Variants in BRCC3 observed in about 807,000 individuals in gnomAD.
BRCC3 encodes the protein lys-63-specific deubiquitinase BRCC36.
In BRCC3, 15 loss-of-function variants were observed where a neutral mutation model predicts 28.0. The ratio of observed to expected loss-of-function variants is 0.54; its 90% CI spans 0.36 to 0.82. The LOEUF is 0.82. Ranked by LOEUF, BRCC3 falls within the 40% of genes least tolerant of loss-of-function variation. The probability of loss-of-function intolerance (pLI) is 0.01; values close to 1 mark genes in which losing one functional copy is unlikely to be tolerated. For synonymous variants in BRCC3, 66 were observed against 80.3 expected, an observed-to-expected ratio of 0.82 and a Z score of 0.95; for missense variants, 109 against 225.9, an observed-to-expected ratio of 0.48 and a Z score of 3.32.
At chrX:155,082,321 C>T (rs1557294259) in intron 5 of BRCC3, among the ~76,000 whole-genome samples, 1 of 112,002 alleles carries the variant, frequency 8.9e-6, no homozygotes, top group East Asian at 2.8e-4. Flanking sequence ...CTTGATAACC[C>T]ACTTTCAAAA....
intron 5 of BRCC3, among the ~76,000 whole-genome samples, chrX:155,081,164 C>G (rs797032681): frequency 9.1e-6 from 1 of 110,125 alleles, no homozygotes; most frequent in South Asian, 3.9e-4. Context: ...AACCCTGTTT[C>G]TATTAAAAAT....
chrX:155,073,691 G>A (rs782746074), intron 3 of BRCC3, among the ~76,000 whole-genome samples: 2 of 110,995 alleles, frequency 1.8e-5, no homozygotes, highest in African/African-American at 6.6e-5. Flanking sequence ...CTGTTTTCTG[G>A]CCCTTCTCCC....
At chrX:155,118,752 A>T (rs1398434773) in intron 9 of BRCC3, among the ~76,000 whole-genome samples, 1 of 111,632 alleles carries the variant, frequency 9.0e-6, no homozygotes, top group Non-Finnish European at 1.9e-5. Flanking sequence ...TCTTGTGGGA[A>T]CTAACAGAGG....
At chrX:155,093,807 ATT>A (rs2074191309) in intron 7 of BRCC3, among the ~76,000 whole-genome samples, 1 of 108,834 alleles carries the variant, frequency 9.2e-6, no homozygotes, top group Non-Finnish European at 1.9e-5. Flanking sequence ...AAGGTCCTAA[ATT>A]GACCTAATGA....
At chrX:155,075,282 CCA>C (rs1557293353) in intron 3 of BRCC3, among the ~76,000 whole-genome samples, 15 of 49,836 alleles carry the variant, frequency 3.0e-4, no homozygotes, top group South Asian at 8.7e-4. Flanking sequence ...AATGCTAAGC[CCA>C]CTCTTTCCCC....
intron 7 of BRCC3, among the ~76,000 whole-genome samples, chrX:155,111,405 G>A (rs189720162): frequency 2.7e-5 from 3 of 111,704 alleles, no homozygotes; most frequent in South Asian, 3.7e-4. Flanking sequence ...AGGTAGCAAA[G>A]GATAGACATA....
At position 155,107,587 on chromosome X, in the gene BRCC3, CCTT is replaced by C. The variant is rs782667171; in HGVS notation, c.549-8467_549-8465del. ...GAAGATGAAGATCAAATTTAGGAAT[CCTT>C]CTCTGATAATTCTCAACCCCCAATA... is the stretch of plus-strand genomic sequence containing the variant. On this transcript the variant is annotated intron_variant, in intron 7 of 10. Transcript: ENST00000330045. Among the ~76,000 whole-genome samples, 7 of 111,503 alleles carry C rather than the reference CCTT, an allele frequency of 6.3e-5. No homozygotes were observed. The East Asian group carries it at 1.7e-3, about 27-fold the overall frequency.
intron 5 of BRCC3, among the ~76,000 whole-genome samples, chrX:155,080,102 T>A (rs1194142484): frequency 8.9e-6 from 1 of 111,777 alleles, no homozygotes; most frequent in Non-Finnish European, 1.9e-5. Flanking sequence ...AGTGGCTGAT[T>A]TGTTTTCCTG....
chrX:155,081,816 G>A (rs1412810278), intron 5 of BRCC3, among the ~76,000 whole-genome samples: 1 of 111,458 alleles, frequency 9.0e-6, no homozygotes, highest in Non-Finnish European at 1.9e-5. Flanking sequence ...TCCATAAAAC[G>A]ATTCTTCAGG....
At chrX:155,111,649 C>T (rs2074322759) in intron 7 of BRCC3, among the ~76,000 whole-genome samples, 1 of 111,800 alleles carries the variant, frequency 8.9e-6, no homozygotes, top group East Asian at 2.8e-4. Context: ...TAAAACAATA[C>T]AACTTTAGAA....
chrX:155,097,334 A>G (rs1210750295), intron 7 of BRCC3, among the ~76,000 whole-genome samples: 2 of 112,017 alleles, frequency 1.8e-5, no homozygotes, highest in Non-Finnish European at 3.8e-5. Flanking sequence ...TAATTTATAA[A>G]TGGGCAAAGA....
At chrX:155,087,994 A>G (rs1160707301) in intron 5 of BRCC3, among the ~76,000 whole-genome samples, 2 of 112,620 alleles carry the variant, frequency 1.8e-5, no homozygotes, top group African/African-American at 3.2e-5. Context: ...TGATAAGGAA[A>G]TAGGCTTAAC....
chrX:155,077,473 T>A (rs1016225921), intron 4 of BRCC3, among the ~76,000 whole-genome samples, 184 bp downstream of exon 4: 2 of 111,770 alleles, frequency 1.8e-5, no homozygotes. Flanking sequence ...GAATTAGAAA[T>A]TTTCTGACAT....
chrX:155,085,167 G>T lies in BRCC3; in HGVS notation c.404-4096G>T, dbSNP rs782444917. On this transcript the variant is annotated intron_variant, in intron 5 of 10. Transcript: ENST00000330045. ...AGGCCTATTTCTGAAATGTTTCCATGTCCCCTTGGGGGGAAAACAGTTTCA... is the reference window on the plus strand; with the variant it reads ...AGGCCTATTTCTGAAATGTTTCCATTTCCCCTTGGGGGGAAAACAGTTTCA... 3.0e-4 allele frequency among the ~76,000 whole-genome samples: 34 copies of T among 112,281 alleles called. No homozygotes were observed. The Admixed American group carries it at 3.1e-3, about 10-fold the overall frequency.
chrX:155,075,228 A>AAC (rs2074022111), intron 3 of BRCC3, among the ~76,000 whole-genome samples: 1 of 56,867 alleles, frequency 1.8e-5, no homozygotes, highest in Admixed American at 1.8e-4. Context: ...GCTTGTTTCA[A>AAC]AAGCCTTCTC....
At chrX:155,097,953 G>T (rs991069777) in intron 7 of BRCC3, among the ~76,000 whole-genome samples, 1 of 111,332 alleles carries the variant, frequency 9.0e-6, no homozygotes, top group African/African-American at 3.3e-5. Context: ...CCGAGATGGC[G>T]CCAGAGTGAG....
At chrX:155,086,734 C>T (rs2074132904) in intron 5 of BRCC3, among the ~76,000 whole-genome samples, 1 of 111,971 alleles carries the variant, frequency 8.9e-6, no homozygotes, top group Non-Finnish European at 1.9e-5. Flanking sequence ...CATCCCTGTT[C>T]TCGAATTACC....
chrX:155,076,177 G>A (rs782010118), intron 3 of BRCC3, among the ~76,000 whole-genome samples: 24 of 111,626 alleles, frequency 2.2e-4, no homozygotes, highest in South Asian at 1.5e-3. Context: ...TCGAGAGGTC[G>A]AGGCAGGCCT....
At chrX:155,115,940 C>A in intron 7 of BRCC3, 117 bp from the exon 8 acceptor site, 1 of 719,472 alleles carries the variant, frequency 1.4e-6, no homozygotes. Context: ...AAATGAATTA[C>A]AGCAATGCTT....
Sources: gnomAD v4.1 joint callset for allele counts (sites outside exome capture counted in the v4.1 genomes callset) on GRCh38, gnomAD v4.1.1 for gene constraint, MANE v1.5 for transcripts, NCBI Gene and HGNC (gene_info 2026-07-23, HGNC 2026-07-21) for gene names.